The following SMIM35 variants were observed in gnomAD, a reference collection of about 807,000 sequenced individuals.
SMIM35 encodes small integral membrane protein 35.
intron 1 of SMIM35, among the ~76,000 whole-genome samples, chr11:118,027,725 C>T (rs1187473302): frequency 1.3e-5 from 2 of 152,206 alleles, no homozygotes; most frequent in Non-Finnish European, 2.9e-5. Flanking sequence ...TAAGTACTCA[C>T]ACTTCCAACA....
chr11:118,022,895 A>T (rs1225208094), intron 1 of SMIM35, among the ~76,000 whole-genome samples: 1 of 151,694 alleles, frequency 6.6e-6, no homozygotes. Context: ...GGTGAGAATA[A>T]TTAGCCTTAG....
At chr11:118,044,801 T>C (rs3016864) in intron 1 of SMIM35, among the ~76,000 whole-genome samples, 580 of 12,976 alleles carry the variant, frequency 0.045, 11 homozygotes, top group African/African-American at 0.069. Flanking sequence ...TTCATTCTAC[T>C]AAAAAAAAAA....
At chr11:118,067,376 G>C (rs1301927493) in intron 1 of SMIM35, 1 of 152,186 alleles carries the variant, frequency 6.6e-6, no homozygotes, top group African/African-American at 2.4e-5. Flanking sequence ...CATCAATATG[G>C]TGACCTCTTA....
chr11:118,050,026 A>T (rs1944183694), intron 1 of SMIM35, among the ~76,000 whole-genome samples: 1 of 152,116 alleles, frequency 6.6e-6, no homozygotes. Flanking sequence ...GCGGATATAG[A>T]GAGGGTCTTT....
chr11:118,067,164 C>T (rs979245147), intron 1 of SMIM35: 2 of 152,088 alleles, frequency 1.3e-5, no homozygotes, highest in Non-Finnish European at 2.9e-5. Context: ...CAGATGCGCA[C>T]AACATGTGGG....
At chr11:118,062,411 G>C (rs1001743198) in intron 1 of SMIM35, among the ~76,000 whole-genome samples, 5 of 152,200 alleles carry the variant, frequency 3.3e-5, no homozygotes, top group African/African-American at 9.6e-5. Flanking sequence ...GTTCACAGGG[G>C]CCAAGACCAC....
chr11:118,015,434 T>C (rs952489487), intron 2 of SMIM35, among the ~76,000 whole-genome samples: 140 of 152,100 alleles, frequency 9.2e-4, no homozygotes, highest in Non-Finnish European at 1.8e-3. Flanking sequence ...TGGACGTCTA[T>C]GGGCTCTGAG....
intron 1 of SMIM35, among the ~76,000 whole-genome samples, chr11:118,051,903 A>C (rs988676314): frequency 6.6e-6 from 1 of 150,760 alleles, no homozygotes; most frequent in East Asian, 1.9e-4. Flanking sequence ...ATTGTGAACA[A>C]GAGACACGGG....
chr11:118,034,458 C>T (rs1413093687), intron 1 of SMIM35, among the ~76,000 whole-genome samples: 1 of 152,110 alleles, frequency 6.6e-6, no homozygotes, highest in Non-Finnish European at 1.5e-5. Flanking sequence ...CCCAGTGGCT[C>T]ATGCCTGTAA....
chr11:118,049,263 C>T (rs1944167589), intron 1 of SMIM35, among the ~76,000 whole-genome samples: 1 of 151,600 alleles, frequency 6.6e-6, no homozygotes, highest in African/African-American at 2.4e-5. Flanking sequence ...ATTTGAGACA[C>T]TGGCTGGGGA....
intron 1 of SMIM35, among the ~76,000 whole-genome samples, chr11:118,019,821 T>C (rs2058210928): frequency 6.6e-6 from 1 of 152,224 alleles, no homozygotes; most frequent in Non-Finnish European, 1.5e-5. Flanking sequence ...TTCCCCTTCA[T>C]TGCTGCTGCT....
chr11:118,047,161 C>G (rs1029730076), intron 1 of SMIM35, among the ~76,000 whole-genome samples: 2 of 152,186 alleles, frequency 1.3e-5, no homozygotes, highest in African/African-American at 4.8e-5. Context: ...ATGACACACA[C>G]TTTGTCCTTG....
Position 118,048,946 on chromosome 11 carries a change from C to CAAAAAAAAAAAAAAAAAAAAAAAAAAA in SMIM35, c.8-33138_8-33137insTTTTTTTTTTTTTTTTTTTTTTTTTTT, listed in dbSNP as rs57261529. ...GCCTATCGCCTAGGCTGAAGAGCTG[C>CAAAAAAAAAAAAAAAAAAAAAAAAAAA]AAAAAAAAAAAAAAAAAAGCAAGTG... On this transcript the variant is annotated intron_variant, in intron 1 of 4. Coordinates refer to ENST00000689828, the MANE Select transcript of SMIM35 (RefSeq NM_001394165.1). Among the ~76,000 whole-genome samples, 14 of 60,494 alleles carry CAAAAAAAAAAAAAAAAAAAAAAAAAAA rather than the reference C, an allele frequency of 2.3e-4. 1 individual carries two copies. The highest frequency in any genetic ancestry group is 6.6e-4 in the African/African-American group (9 of 13,722). 39.7% of individuals were successfully genotyped at this position (60,494 alleles called of 152,430 possible).
At position 118,029,740 on chromosome 11, in the gene SMIM35, G is replaced by A. The variant is rs1325539078; in HGVS notation, c.8-13931C>T. 8.7e-6 allele frequency: 4 copies of A among 457,332 alleles called. No individual in the cohort carries two copies. In the Admixed American group the frequency reaches 9.4e-5, roughly 11 times the overall value. The allele number at this position is 457,332 out of a possible 1,614,324, so 28.3% of individuals were successfully genotyped here. A position where few individuals can be genotyped will look rare whatever the true frequency, so the allele number is the denominator to read the frequency against. On this transcript the variant is annotated intron_variant, in intron 1 of 4. Coordinates refer to ENST00000689828, the MANE Select transcript of SMIM35 (RefSeq NM_001394165.1). ...CCTACCCTCTGCCCCAGAAACACCA[G>A]CACCAGACTGCCAAAGCCCCCTTTC...
intron 1 of SMIM35, chr11:118,059,204 G>T (rs1944360561): frequency 6.6e-6 from 1 of 152,358 alleles, no homozygotes; most frequent in South Asian, 2.1e-4. Context: ...TATAACCTGG[G>T]GGGCGTGGGA....
At chr11:118,066,950 G>A (rs1387073512) in intron 1 of SMIM35, among the ~76,000 whole-genome samples, 1 of 151,576 alleles carries the variant, frequency 6.6e-6, no homozygotes. Context: ...AGCCCCTTCC[G>A]AATAGGGGAG....
intron 1 of SMIM35, among the ~76,000 whole-genome samples, chr11:118,028,446 G>A (rs1165184567): frequency 1.3e-5 from 2 of 149,738 alleles, no homozygotes; most frequent in African/African-American, 4.9e-5. Context: ...GTTTCTTTAT[G>A]TGTCTCTCCC....
At position 118,013,862 on chromosome 11, in the gene SMIM35, C is replaced by T. The variant is rs2058162701; in HGVS notation, c.177G>A (p.Glu59=). ...LYQIRNLKDL[E]MGPPFTISGH... The stretch of plus-strand genomic sequence containing the variant: ...CACTGATGGTGAAGGGTGGACCCAT[C>T]TCCAGATCCTTCAGGTTCCTGAAAA... Residue 59 remains glutamate (E), a synonymous_variant, in exon 4 of 5, where the codon GAG becomes GAA. Coordinates refer to ENST00000689828, the MANE Select transcript of SMIM35 (RefSeq NM_001394165.1). 2.5e-6 allele frequency: 1 copy of T among 398,964 alleles called. No individual in the cohort carries two copies. The highest frequency in any genetic ancestry group is 4.4e-6 in the Non-Finnish European group (1 of 226,104). 24.7% of individuals were successfully genotyped at this position (398,964 alleles called of 1,614,324 possible).
At chr11:118,043,582 G>T (rs1786180) in intron 1 of SMIM35, among the ~76,000 whole-genome samples, 2 of 151,358 alleles carry the variant, frequency 1.3e-5, no homozygotes, top group Non-Finnish European at 3.0e-5. Flanking sequence ...AGGCTGAGGC[G>T]GGCCGAACAC....
Sources: gnomAD v4.1 joint callset for allele counts (sites outside exome capture counted in the v4.1 genomes callset) on GRCh38, gnomAD v4.1.1 for gene constraint, MANE v1.5 for transcripts, NCBI Gene and HGNC (gene_info 2026-07-23, HGNC 2026-07-21) for gene names.